The following PHTF2 variants were observed in gnomAD, a reference collection of about 807,000 sequenced individuals.
The protein encoded by PHTF2 is putative homeodomain transcription factor 2.
A neutral mutation model predicts 101.2 loss-of-function variants in PHTF2; 60 were observed. That is an observed-to-expected ratio of 0.59 (90% CI 0.48 to 0.73). The LOEUF (loss-of-function observed/expected upper bound fraction) is 0.73. Among genes scored for constraint, PHTF2 ranks in the 30% least tolerant of loss-of-function variants. The pLI, the probability that PHTF2 is intolerant of heterozygous loss-of-function variation, is 0.00. For synonymous variants in PHTF2, 311 were observed against 307.3 expected, an observed-to-expected ratio of 1.01 and a Z score of -0.13; for missense variants, 747 against 908.7, an observed-to-expected ratio of 0.82 and a Z score of 2.29.
chr7:77,917,465 A>G (rs951947957), intron 9 of PHTF2, among the ~76,000 whole-genome samples: 3 of 152,218 alleles, frequency 2.0e-5, no homozygotes, highest in South Asian at 2.1e-4. Flanking sequence ...ATTTATTTCT[A>G]TAGCTATCCA....
At chr7:77,868,526 A>G (rs975502175) in intron 3 of PHTF2, among the ~76,000 whole-genome samples, 3 of 151,994 alleles carry the variant, frequency 2.0e-5, no homozygotes, top group Non-Finnish European at 4.4e-5. Flanking sequence ...GCTATTCTTC[A>G]TATTCTGATT....
chr7:77,866,731 G>A (rs1038824885), intron 3 of PHTF2, among the ~76,000 whole-genome samples: 1 of 152,142 alleles, frequency 6.6e-6, no homozygotes, highest in Non-Finnish European at 1.5e-5. Context: ...AAGTAACCAA[G>A]TTATGTTAAT....
intron 5 of PHTF2, among the ~76,000 whole-genome samples, chr7:77,894,722 A>G (rs2150805172): frequency 6.6e-6 from 1 of 152,294 alleles, no homozygotes; most frequent in Admixed American, 6.5e-5. Flanking sequence ...TCTATAGAAG[A>G]GCGAGAGGGG....
In PHTF2 at chr7:77,899,367, C is replaced by A. The variant is rs547661188; in HGVS notation, c.217-1344C>A. Reference sequence around the variant, plus strand: ...TTGGGTGACTCAATTTTTTTTTTTTCACTCCATGCGTGTCTGCAAATTAGG... The same window carrying A: ...TTGGGTGACTCAATTTTTTTTTTTTAACTCCATGCGTGTCTGCAAATTAGG... On this transcript the variant is annotated intron_variant, in intron 5 of 19. Transcript: ENST00000416283. Among the ~76,000 whole-genome samples the A allele has an allele frequency of 8.1e-5, 12 of 148,890 alleles. No individual in the cohort carries two copies. In the South Asian group the frequency reaches 8.5e-4, roughly 11 times the overall value.
chr7:77,819,034 A>G (rs1359986067), intron 1 of PHTF2, among the ~76,000 whole-genome samples: 1 of 151,822 alleles, frequency 6.6e-6, no homozygotes, highest in African/African-American at 2.4e-5. Context: ...TTTCATTTTC[A>G]GCTAGTTGAT....
intron 1 of PHTF2, among the ~76,000 whole-genome samples, chr7:77,819,866 ACTTTT>A (rs777533520): frequency 5.9e-5 from 9 of 151,970 alleles, no homozygotes; most frequent in Admixed American, 3.3e-4. Flanking sequence ...CCAGTCCTGA[ACTTTT>A]CTTTTATGGG....
chr7:77,866,660 A>G (rs1177019860), intron 3 of PHTF2, among the ~76,000 whole-genome samples: 1 of 152,200 alleles, frequency 6.6e-6, no homozygotes, highest in East Asian at 1.9e-4. Context: ...GTTCTCTTTA[A>G]TGGTCTCTTA....
chr7:77,923,064 G>A, intron 11 of PHTF2: 4 of 1,071,038 alleles, frequency 3.7e-6, no homozygotes, highest in Non-Finnish European at 4.5e-6. Context: ...GAGAGAATCT[G>A]CAAACTCCTG....
chr7:77,804,748 T>G (rs574059268), intron 1 of PHTF2, among the ~76,000 whole-genome samples: 148 of 152,350 alleles, frequency 9.7e-4, no homozygotes, highest in Non-Finnish European at 1.8e-3. Context: ...ATATCTATCT[T>G]TCAATCATGC....
intron 9 of PHTF2, among the ~76,000 whole-genome samples, chr7:77,920,019 A>G (rs1803296437): frequency 6.6e-6 from 1 of 152,204 alleles, no homozygotes; most frequent in African/African-American, 2.4e-5. Context: ...TGATTTACTA[A>G]GAATTTTTTG....
chr7:77,820,004 C>A (rs1794150111), intron 1 of PHTF2, among the ~76,000 whole-genome samples: 1 of 152,146 alleles, frequency 6.6e-6, no homozygotes, highest in Non-Finnish European at 1.5e-5. Context: ...ATTCTCCTGC[C>A]TCAGCCTCCT....
intron 11 of PHTF2, among the ~76,000 whole-genome samples, chr7:77,928,182 C>G (rs1424769089): frequency 6.9e-6 from 1 of 145,668 alleles, no homozygotes; most frequent in South Asian, 2.2e-4. Flanking sequence ...TCACAGAGGA[C>G]AGCCAAAAAA....
intron 1 of PHTF2, among the ~76,000 whole-genome samples, chr7:77,828,266 T>C (rs1794833663): frequency 3.3e-5 from 5 of 152,138 alleles, no homozygotes. Context: ...AGCAGTCAAA[T>C]AAAACAAAAA....
At chr7:77,857,010 C>T (rs1405059425) in intron 3 of PHTF2, among the ~76,000 whole-genome samples, 1 of 152,126 alleles carries the variant, frequency 6.6e-6, no homozygotes, top group Non-Finnish European at 1.5e-5. Flanking sequence ...AAGAATATCT[C>T]TAATGACCAT....
At chr7:77,954,612 G>GTATATATATATA (rs66540211) in intron 19 of PHTF2, among the ~76,000 whole-genome samples, 39 of 90,188 alleles carry the variant, frequency 4.3e-4, no homozygotes, top group African/African-American at 9.0e-4. Context: ...CAAGTACTGT[G>GTATATATATATA]TATATATATA....
At chr7:77,934,585 T>C (rs191408325) in intron 12 of PHTF2, among the ~76,000 whole-genome samples, 364 of 152,344 alleles carry the variant, frequency 2.4e-3, no homozygotes, top group Non-Finnish European at 3.5e-3. Flanking sequence ...TTTTAGAAGT[T>C]CTAAATTTTT....
chr7:77,942,828 A>T (rs1805738390), intron 16 of PHTF2, 42 bp downstream of exon 15: 1 of 874,134 alleles, frequency 1.1e-6, no homozygotes. Context: ...CAGATATATA[A>T]ATATTAACTT....
At chr7:77,806,546 A>G (rs904287823) in intron 1 of PHTF2, among the ~76,000 whole-genome samples, 2 of 151,978 alleles carry the variant, frequency 1.3e-5, no homozygotes, top group Non-Finnish European at 2.9e-5. Context: ...TTATGTTTAT[A>G]TTTAAGTGAG....
At chr7:77,812,813 T>A (rs1003886935) in intron 1 of PHTF2, among the ~76,000 whole-genome samples, 12 of 152,098 alleles carry the variant, frequency 7.9e-5, no homozygotes, top group Non-Finnish European at 1.8e-4. Context: ...ATGGTCTCGA[T>A]CTCCTGACCT....
Sources: allele counts gnomAD v4.1 joint callset (sites outside exome capture counted in the v4.1 genomes callset), GRCh38; gene constraint gnomAD v4.1.1; transcripts MANE v1.5; gene names NCBI Gene and HGNC (gene_info 2026-07-23, HGNC 2026-07-21).